The following FBXO5 variants were observed in gnomAD, a reference collection of about 807,000 sequenced individuals.
The protein encoded by FBXO5 is F-box only protein 5.
A neutral mutation model predicts 43.3 loss-of-function variants in FBXO5; 8 were observed. The ratio of observed to expected loss-of-function variants is 0.18; its 90% CI spans 0.11 to 0.33. The LOEUF (loss-of-function observed/expected upper bound fraction) is 0.33. FBXO5 is among the 10% of genes least tolerant of loss of function. The pLI is 1.00. For missense variants in FBXO5, 491 were observed against 535.7 expected, an observed-to-expected ratio of 0.92 and a Z score of 0.82; for synonymous variants, 204 against 193.7, an observed-to-expected ratio of 1.05 and a Z score of -0.44.
In FBXO5 at chr6:152,970,897, C is replaced by A. The variant is rs946367822; in HGVS notation, c.*266G>T. ...TAAAATTGAATCAATTTTTTTTTACCCTCAGTATCACTATCTACTTTTCCT... is the reference window on the plus strand; with the variant it reads ...TAAAATTGAATCAATTTTTTTTTACACTCAGTATCACTATCTACTTTTCCT... On this transcript the variant is annotated 3_prime_UTR_variant, in exon 5 of 5. Transcript: ENST00000229758. 1 of 265,844 alleles carries A rather than the reference C, an allele frequency of 3.8e-6. No homozygotes were observed. The highest frequency in any genetic ancestry group is 5.0e-5 in the Admixed American group (1 of 20,166). The allele number at this position is 265,844 out of a possible 1,614,324, so 16.5% of individuals were successfully genotyped here.
Position 152,979,489 on chromosome 6 carries a change from C to G in FBXO5, c.103+3368G>C, listed in dbSNP as rs372024923. ...GGCTGAGGTAGTATTTCTGAGCTTG[C>G]TCCAAATGTAAAGTTACTCCTTTTT... On this transcript the variant is annotated intron_variant, in intron 1 of 4. Coordinates refer to ENST00000229758, the MANE Select transcript of FBXO5 (RefSeq NM_012177.5). Among the ~76,000 whole-genome samples the G allele has an allele frequency of 3.4e-4, 52 of 152,336 alleles. No individual in the cohort carries two copies. In the South Asian group the frequency reaches 0.01, roughly 30 times the overall value.
rs1004817888 is a variant in FBXO5 at position 152,975,165 on chromosome 6, G to T, written c.560C>A (p.Pro187His). Residue 187 changes from proline to histidine, a missense_variant, in exon 2 of 5, where the codon CCC (proline) becomes CAC (histidine). By Grantham distance (77) the Pro-to-His change is moderately conservative. Coordinates refer to ENST00000229758, the MANE Select transcript of FBXO5 (RefSeq NM_012177.5). ...AAGAACTGGCAGCAAGTTTTTGTTG[G>T]GATATTGGTCTGGGCTTTGTATTTG... ...LLQIQSPDQY[P>H]NKNLLPVLHF... The T allele has an allele frequency of 6.2e-7, 1 of 1,614,000 alleles. No individual in the cohort carries two copies. The highest frequency in any genetic ancestry group is 1.3e-5 in the African/African-American group (1 of 74,894).
At chr6:152,972,951 A>G (rs1032006698) in intron 3 of FBXO5, 95 bp downstream of exon 3, 2 of 941,376 alleles carry the variant, frequency 2.1e-6, no homozygotes, top group Non-Finnish European at 3.3e-6. Flanking sequence ...TTATGACTGT[A>G]AAGAAGGGTT....
chr6:152,971,037 A>G lies in FBXO5; in HGVS notation c.*126T>C, dbSNP rs1584076611. The G allele has an allele frequency of 1.1e-6, 1 of 921,896 alleles. No homozygotes were observed. Among genetic ancestry groups the G allele is most frequent in the South Asian group, 2.4e-5 (1 of 41,020 alleles). 57.1% of individuals were successfully genotyped at this position (921,896 alleles called of 1,614,324 possible). A position where few individuals can be genotyped will look rare whatever the true frequency, so the allele number is the denominator to read the frequency against. ...TATCCTCTTTATCTTCTGGGGGGAA[A>G]AAAACCTCAGGATACTACACCGATT... On this transcript the variant is annotated 3_prime_UTR_variant, in exon 5 of 5. Transcript: ENST00000229758.
intron 1 of FBXO5, among the ~76,000 whole-genome samples, chr6:152,981,114 T>C (rs907505569): frequency 6.6e-6 from 1 of 152,254 alleles, no homozygotes; most frequent in Admixed American, 6.5e-5. Context: ...CAAGTTTGAA[T>C]GAAAATCCTT....
upstream of FBXO5, chr6:152,983,154 T>G (rs1778294234): frequency 2.5e-6 from 1 of 404,796 alleles, no homozygotes; most frequent in South Asian, 8.5e-5. Flanking sequence ...GGGCAGTGGG[T>G]GGGGGCGCCC....
At chr6:152,976,964 G>C (rs1778177542) in intron 1 of FBXO5, among the ~76,000 whole-genome samples, 2 of 152,178 alleles carry the variant, frequency 1.3e-5, no homozygotes, top group African/African-American at 4.8e-5. Flanking sequence ...CCAGTTACCA[G>C]TTATTGCCAA....
upstream of FBXO5, chr6:152,983,303 G>C (rs1247627363): frequency 8.1e-6 from 2 of 245,440 alleles, no homozygotes; most frequent in African/African-American, 4.5e-5. Context: ...GCCGCGGCCC[G>C]GCCACACGTG....
chr6:152,974,131 G>A (rs1562290533), intron 2 of FBXO5: 1 of 152,174 alleles, frequency 6.6e-6, no homozygotes, highest in African/African-American at 2.4e-5. Flanking sequence ...AACAGAGCCT[G>A]GGAGGTGGAG....
At chr6:152,972,950 T>A in intron 3 of FBXO5, 96 bp downstream of exon 3, 1 of 922,620 alleles carries the variant, frequency 1.1e-6, no homozygotes, top group Non-Finnish European at 1.7e-6. Flanking sequence ...TTTATGACTG[T>A]AAAGAAGGGT....
Position 152,978,393 on chromosome 6 carries a change from G to A in FBXO5, c.104-2772C>T, listed in dbSNP as rs7751470. On this transcript the variant is annotated intron_variant, in intron 1 of 4. Coordinates refer to ENST00000229758, the MANE Select transcript of FBXO5 (RefSeq NM_012177.5). ...TTCATTTTTTGGGGGGGGGGGGGGG[G>A]CGGGGGACTTCTCAGACCTCATCAA... Among the ~76,000 whole-genome samples, 198 of 24,392 alleles carry A rather than the reference G, an allele frequency of 8.1e-3. 32 individuals carry two copies. Among genetic ancestry groups the A allele is most frequent in the African/African-American group, 0.026 (186 of 7,182 alleles). The allele number at this position is 24,392 out of a possible 152,430, so 16.0% of individuals were successfully genotyped here. A position where few individuals can be genotyped will look rare whatever the true frequency, so the allele number is the denominator to read the frequency against.
At chr6:152,980,500 G>C (rs1562292798) in intron 1 of FBXO5, among the ~76,000 whole-genome samples, 3 of 152,186 alleles carry the variant, frequency 2.0e-5, no homozygotes. Flanking sequence ...CTGCAGATTT[G>C]TGGGGTAGGC....
chr6:152,978,377 T>TTTGGG (rs1491205604), intron 1 of FBXO5, among the ~76,000 whole-genome samples: 2 of 21,128 alleles, frequency 9.5e-5, no homozygotes, highest in Non-Finnish European at 1.5e-4. Context: ...CTTCATTTTT[T>TTTGGG]GGGGGGGGGG....
intron 1 of FBXO5, 63 bp downstream of exon 1, chr6:152,982,794 C>A (rs2129094799): frequency 8.5e-7 from 1 of 1,172,750 alleles, no homozygotes; most frequent in South Asian, 1.6e-5. Flanking sequence ...TCTCAGGCTG[C>A]GACCCTCCCC....
Position 152,971,421 on chromosome 6 carries a change from A to AG in FBXO5, c.1093-8dup, listed in dbSNP as rs746488288. The stretch of plus-strand genomic sequence containing the variant: ...TTTTCAATGTCTTGGCAACCTAAAA[A>AG]GAAAAAAAAAACCCATTAACAAATT... On this transcript the variant is annotated splice_region_variant and splice_polypyrimidine_tract_variant and intron_variant, in intron 4 of 4. Coordinates refer to ENST00000229758, the MANE Select transcript of FBXO5 (RefSeq NM_012177.5). The AG allele has an allele frequency of 7.0e-6, 11 of 1,574,882 alleles. No homozygotes were observed. In the East Asian group the frequency reaches 2.5e-4, roughly 35 times the overall value.
intron 1 of FBXO5, among the ~76,000 whole-genome samples, chr6:152,980,591 T>C (rs913787667): frequency 2.6e-5 from 4 of 152,124 alleles, no homozygotes; most frequent in African/African-American, 9.7e-5. Flanking sequence ...GGAAGGTAAG[T>C]AGAAGCAGAG....
At position 152,975,263 on chromosome 6, in the gene FBXO5, A is replaced by C. The variant is rs929918604; in HGVS notation, c.462T>G (p.Ser154Arg). 6.2e-7 allele frequency: 1 copy of C among 1,614,156 alleles called. No homozygotes were observed. Among genetic ancestry groups the C allele is most frequent in the Non-Finnish European group, 8.5e-7 (1 of 1,180,016 alleles). ...TACCTTCTTCATGTTCACTGAGGCC[A>C]CTTTGTAGAGAAAATGAGGAATAGC... is the stretch of plus-strand genomic sequence containing the variant. ...DSGYSSFSLQ[S>R]GLSEHEEGSL... is the part of the protein sequence containing the mutation. Residue 154 changes from serine (S) to arginine (R), a missense_variant, in exon 2 of 5, where the codon AGT becomes AGG. Physicochemically the swap from Ser to Arg is moderately radical, Grantham distance 110. Transcript: ENST00000229758.
chr6:152,971,949 T>A (rs1160131724), intron 4 of FBXO5, among the ~76,000 whole-genome samples: 1 of 152,164 alleles, frequency 6.6e-6, no homozygotes, highest in Non-Finnish European at 1.5e-5. Context: ...GTTTCTAAAT[T>A]AGAACTCAAA....
rs113629345 is a variant in FBXO5 at position 152,976,108 on chromosome 6, A to C, written c.104-487T>G. Among the ~76,000 whole-genome samples, 315 of 152,298 alleles carry C rather than the reference A, an allele frequency of 2.1e-3. 4 individuals carry two copies. The highest frequency in any genetic ancestry group is 3.5e-3 in the Non-Finnish European group (239 of 68,028). ...TGACATTATGGTTCTCTTTGACGTAAGCACAACCCAAGCCACTGACAGCAA... is the reference window on the plus strand; with the variant it reads ...TGACATTATGGTTCTCTTTGACGTACGCACAACCCAAGCCACTGACAGCAA... On this transcript the variant is annotated intron_variant, in intron 1 of 4. Coordinates refer to ENST00000229758, the MANE Select transcript of FBXO5 (RefSeq NM_012177.5).
Sources: gnomAD v4.1 joint callset for allele counts (sites outside exome capture counted in the v4.1 genomes callset) on GRCh38, gnomAD v4.1.1 for gene constraint, MANE v1.5 for transcripts, NCBI Gene and HGNC (gene_info 2026-07-23, HGNC 2026-07-21) for gene names.